The following RANBP2 variants were observed in gnomAD, a reference collection of about 807,000 sequenced individuals.
RANBP2 encodes RAN binding protein 2, also known as E3 SUMO-protein ligase RanBP2.
Under a neutral mutation model 303.6 loss-of-function variants are expected in RANBP2, and 57 were observed. That is an observed-to-expected ratio of 0.19 (90% CI 0.15 to 0.23). RANBP2 has a LOEUF of 0.23. RANBP2 is among the 10% of genes least tolerant of loss of function. The pLI is 1.00. For synonymous variants in RANBP2, 1,167 were observed against 1,301.5 expected (o/e 0.90, Z 2.23); for missense variants, 3,138 against 3,780.8 (o/e 0.83, Z 4.46).
chr2:109,658,962 G>A, the RANBP2 span, among the ~76,000 whole-genome samples: 1 of 152,180 alleles, frequency 6.6e-6, no homozygotes, highest in Non-Finnish European at 1.5e-5. Context: ...CTGCTTGGGA[G>A]TCTGAGGCAT....
the RANBP2 span, among the ~76,000 whole-genome samples, chr2:109,364,963 C>T: frequency 2.2e-3 from 340 of 152,200 alleles, 1 homozygote; most frequent in African/African-American, 7.7e-3. Context: ...TAGTGGCACA[C>T]GCTTGTAATC....
At chr2:108,853,891 G>GTATATATTATA in the RANBP2 span, among the ~76,000 whole-genome samples, 2 of 108,710 alleles carry the variant, frequency 1.8e-5, no homozygotes, top group African/African-American at 7.4e-5. Context: ...ATATTATATA[G>GTATATATTATA]TATATATATT....
the RANBP2 span, among the ~76,000 whole-genome samples, chr2:109,697,790 A>G: frequency 6.6e-6 from 1 of 151,210 alleles, no homozygotes; most frequent in South Asian, 2.1e-4. Context: ...GAGAGAAAAC[A>G]TCCTTCCCTT....
At chr2:109,385,847 G>T in the RANBP2 span, among the ~76,000 whole-genome samples, 1 of 152,194 alleles carries the variant, frequency 6.6e-6, no homozygotes, top group African/African-American at 2.4e-5. Context: ...AAATTTACAC[G>T]TCCATAAAGC....
chr2:108,782,726 G>A lies in RANBP2; in HGVS notation c.9233G>A (p.Gly3078Glu). 1 of 1,614,160 alleles carries A rather than the reference G, an allele frequency of 6.2e-7. No homozygotes were observed. Among genetic ancestry groups the A allele is most frequent in the Non-Finnish European group, 8.5e-7 (1 of 1,180,024 alleles). The change falls in exon 28 of 29, where the codon GGG becomes GAG. Residue 3078 changes from glycine to glutamate, a missense_variant. Gly to Glu is a moderately conservative substitution (Grantham distance 98, BLOSUM62 -2). This residue lies in a region of RANBP2 where 204 missense variants were observed against 228.4 expected (regional missense o/e 0.89). Coordinates refer to ENST00000283195, the MANE Select transcript of RANBP2 (RefSeq NM_006267.5). ...FDVCADGEPL[G>E]RITMELFSNI... ...GTTTGTGCGGACGGTGAACCTCTAG[G>A]GCGGATAACTATGGAATTATTTTCA...
At chr2:109,253,932 T>C in the RANBP2 span, among the ~76,000 whole-genome samples, 2 of 152,078 alleles carry the variant, frequency 1.3e-5, no homozygotes, top group African/African-American at 4.8e-5. Context: ...TTAATTCCCC[T>C]TCCACAGCTC....
At chr2:109,574,466 A>AAAG in the RANBP2 span, 5 of 573,116 alleles carry the variant, frequency 8.7e-6, no homozygotes. Context: ...AAAAAAAAAA[A>AAAG]TTTAAAAAAG....
At chr2:109,143,753 G>GAAACAAAACA in the RANBP2 span, among the ~76,000 whole-genome samples, 10 of 132,410 alleles carry the variant, frequency 7.6e-5, no homozygotes, top group South Asian at 5.6e-4. Flanking sequence ...CACCCTGTCT[G>GAAACAAAACA]AAACAAAACA....
chr2:108,799,422 G>A, the RANBP2 span, among the ~76,000 whole-genome samples: 5 of 152,108 alleles, frequency 3.3e-5, no homozygotes, highest in Admixed American at 2.6e-4. Context: ...AGTTCAGCTC[G>A]CCAGCAGTTC....
the RANBP2 span, among the ~76,000 whole-genome samples, chr2:109,321,915 C>A: frequency 1.3e-5 from 2 of 152,214 alleles, no homozygotes; most frequent in African/African-American, 4.8e-5. Context: ...CAGGACTTCT[C>A]TGAAGGGGAG....
the RANBP2 span, among the ~76,000 whole-genome samples, chr2:109,699,049 A>C: frequency 5.3e-3 from 805 of 152,336 alleles, 1 homozygote; most frequent in Middle Eastern, 0.024. Context: ...GAGCCACTTT[A>C]ACCCCAGTTG....
At chr2:109,415,625 C>T in the RANBP2 span, among the ~76,000 whole-genome samples, 4 of 152,322 alleles carry the variant, frequency 2.6e-5, no homozygotes, top group Admixed American at 2.6e-4. Flanking sequence ...TTCTCCCTGC[C>T]TGTCCTCCAG....
the RANBP2 span, among the ~76,000 whole-genome samples, chr2:109,161,106 G>A: frequency 6.6e-6 from 1 of 152,200 alleles, no homozygotes; most frequent in Non-Finnish European, 1.5e-5. Context: ...TAGAAGAGAA[G>A]CCGTTTGAGG....
the RANBP2 span, among the ~76,000 whole-genome samples, chr2:108,870,051 G>A: frequency 6.6e-6 from 1 of 152,118 alleles, no homozygotes; most frequent in African/African-American, 2.4e-5. Flanking sequence ...ATGAAATCAG[G>A]GAAGTGATAC....
the RANBP2 span, among the ~76,000 whole-genome samples, chr2:108,983,460 C>T: frequency 6.6e-6 from 1 of 152,286 alleles, no homozygotes; most frequent in East Asian, 1.9e-4. Flanking sequence ...ATAAAATCAG[C>T]CAACTTAATA....
At chr2:108,920,368 G>C in the RANBP2 span, among the ~76,000 whole-genome samples, 3,177 of 152,268 alleles carry the variant, frequency 0.021, 93 homozygotes, top group African/African-American at 0.064. Flanking sequence ...CTCTGTTACG[G>C]CAGGGCAACG....
At chr2:109,188,206 C>T in the RANBP2 span, among the ~76,000 whole-genome samples, 1 of 152,244 alleles carries the variant, frequency 6.6e-6, no homozygotes, top group Admixed American at 6.5e-5. Context: ...GAAGGGCTTT[C>T]CTGCTGCAGC....
the RANBP2 span, among the ~76,000 whole-genome samples, chr2:109,463,058 G>A: frequency 1.3e-5 from 2 of 152,204 alleles, no homozygotes; most frequent in Non-Finnish European, 2.9e-5. Flanking sequence ...CTTTCCTCAA[G>A]AAGACCTAAC....
At chr2:109,697,858 G>GTT in the RANBP2 span, among the ~76,000 whole-genome samples, 1,080 of 127,622 alleles carry the variant, frequency 8.5e-3, 30 homozygotes, top group African/African-American at 0.029. Context: ...TTAGTCTAAA[G>GTT]TTTTTTTTTT....
Sources: allele counts gnomAD v4.1 joint callset (sites outside exome capture counted in the v4.1 genomes callset), GRCh38; gene constraint gnomAD v4.1.1; regional missense constraint gnomAD v4.1.1; transcripts MANE v1.5; gene names NCBI Gene and HGNC (gene_info 2026-07-23, HGNC 2026-07-21).